The following ASMT variants were observed in gnomAD, a reference collection of about 807,000 sequenced individuals.
ASMT encodes acetylserotonin O-methyltransferase.
In ASMT, 53 loss-of-function variants were observed where a neutral mutation model predicts 41.3. That is an observed-to-expected ratio of 1.28 (90% CI 1.03 to 1.61). The LOEUF (loss-of-function observed/expected upper bound fraction) is 1.61, where lower values mean the gene tolerates loss of function less well. Ranked by LOEUF, ASMT falls within the 40% of genes most tolerant of loss-of-function variation. The probability of loss-of-function intolerance (pLI) is 0.00; values close to 1 mark genes in which losing one functional copy is unlikely to be tolerated. For synonymous variants in ASMT, 231 were observed against 184.8 expected (o/e 1.25, Z -2.03); for missense variants, 531 against 441.3 (o/e 1.20, Z -1.82).
intron 7 of ASMT, 59 bp downstream of exon 7, chrX:1,633,349 G>A (rs1934848139): frequency 4.4e-6 from 7 of 1,607,294 alleles, no homozygotes; most frequent in Non-Finnish European, 6.0e-6. Context: ...AGGGGGACTG[G>A]ATGTTTCTGG....
chrX:1,637,050 G>GTT (rs1935009313), intron 8 of ASMT, among the ~76,000 whole-genome samples: 1 of 91,616 alleles, frequency 1.1e-5, no homozygotes, highest in Non-Finnish European at 2.3e-5. Context: ...CATCCTGATG[G>GTT]CACATGAGGA....
At position 1,628,702 on chromosome X, in the gene ASMT, C is replaced by T. The variant is rs1408585700; in HGVS notation, c.443+931C>T. On this transcript the variant is annotated intron_variant, in intron 4 of 8. Coordinates refer to ENST00000381241, the MANE Select transcript of ASMT (RefSeq NM_001171038.2). ...TCTCTTCTCTTCTCTCCTCTCTTTT[C>T]CTCTCCATCTTCCCCCTCCTCTCTC... Among the ~76,000 whole-genome samples, 9 of 150,810 alleles carry T rather than the reference C, an allele frequency of 6.0e-5. 1 individual carries two copies. The South Asian group carries it at 1.9e-3, about 32-fold the overall frequency.
At chrX:1,620,150 A>T (rs1934286787) in intron 1 of ASMT, among the ~76,000 whole-genome samples, 1 of 150,914 alleles carries the variant, frequency 6.6e-6, no homozygotes, top group African/African-American at 2.4e-5. Flanking sequence ...ACATTAAAGA[A>T]CAAGAATTAA....
In ASMT at chrX:1,624,344, A is replaced by T; in HGVS notation, c.320A>T (p.Lys107Met). ...CCGACGTCACAATGCAGCATGCTGA[A>T]GTACATGGGCAGGACCAGCTACCGG... ...VSPTSQCSML[K>M]YMGRTSYRCW... The change falls in exon 3 of 9, where the codon AAG becomes ATG. Residue 107 changes from lysine to methionine, a missense_variant. Transcript: ENST00000381241. 6.2e-7 allele frequency: 1 copy of T among 1,613,904 alleles called. No homozygotes were observed. The highest frequency in any genetic ancestry group is 8.5e-7 in the Non-Finnish European group (1 of 1,179,856).
At chrX:1,617,287 T>C (rs1277560843) in intron 1 of ASMT, among the ~76,000 whole-genome samples, 1 of 151,372 alleles carries the variant, frequency 6.6e-6, no homozygotes, top group African/African-American at 2.4e-5. Context: ...CTGGCCAACA[T>C]GGTGAAACCC....
At chrX:1,642,482 G>T (rs1432321959) in intron 8 of ASMT, among the ~76,000 whole-genome samples, 1 of 147,780 alleles carries the variant, frequency 6.8e-6, no homozygotes, top group Admixed American at 6.8e-5. Flanking sequence ...GATCCTGATG[G>T]CCCATGAGGA....
chrX:1,633,220 C>G lies in ASMT; in HGVS notation c.717C>G (p.Ile239Met), dbSNP rs201316181. 40 of 1,613,814 alleles carry G rather than the reference C, an allele frequency of 2.5e-5. No individual in the cohort carries two copies. The East Asian group carries it at 6.2e-4, about 25-fold the overall frequency. Residue 239 changes from isoleucine (I) to methionine (M), a missense_variant, in exon 7 of 9, where the codon ATC becomes ATG. Transcript: ENST00000381241. ...YPGCKITVFD[I>M]PEVVWTAKQH... Reference sequence around the variant, plus strand: ...GATGTAAGATCACCGTTTTTGACATCCCAGAAGTGGTGTGGACGGCAAAGC... The same window carrying G: ...GATGTAAGATCACCGTTTTTGACATGCCAGAAGTGGTGTGGACGGCAAAGC...
At chrX:1,622,030 C>T (rs1217857327) in intron 1 of ASMT, among the ~76,000 whole-genome samples, 1 of 141,066 alleles carries the variant, frequency 7.1e-6, no homozygotes, top group Non-Finnish European at 1.5e-5. Flanking sequence ...TCACTCTGTC[C>T]AGCCCAGGCT....
At chrX:1,629,440 A>G (rs1429837810) in intron 4 of ASMT, among the ~76,000 whole-genome samples, 2 of 152,036 alleles carry the variant, frequency 1.3e-5, no homozygotes, top group African/African-American at 4.8e-5. Context: ...CCTTTTCTCT[A>G]GCCTCTTCCC....
At chrX:1,615,815 A>G (rs1442410858) in intron 1 of ASMT, among the ~76,000 whole-genome samples, 1 of 151,026 alleles carries the variant, frequency 6.6e-6, no homozygotes, top group Non-Finnish European at 1.5e-5. Flanking sequence ...AAAAAACCAA[A>G]CAAACAACAA....
chrX:1,631,116 G>A (rs1432388299), intron 5 of ASMT, among the ~76,000 whole-genome samples: 7 of 150,614 alleles, frequency 4.6e-5, no homozygotes, highest in South Asian at 2.1e-4. Flanking sequence ...GGGTTTCTCC[G>A]TGTTAGCCAG....
In ASMT at chrX:1,636,081, G is replaced by C. The variant is rs766235935; in HGVS notation, c.788-357G>C. Among the ~76,000 whole-genome samples, 4 of 149,756 alleles carry C rather than the reference G, an allele frequency of 2.7e-5. No homozygotes were observed. The Admixed American group carries it at 2.7e-4, about 10-fold the overall frequency. On this transcript the variant is annotated intron_variant, in intron 7 of 8. Coordinates refer to ENST00000381241, the MANE Select transcript of ASMT (RefSeq NM_001171038.2). The stretch of plus-strand genomic sequence containing the variant: ...TGCCATTCTCCTGCCTCAGCCTCCC[G>C]AGTAGCTGGGACCACAGGCACCCGC...
chrX:1,623,900 C>T (rs1476540340), intron 2 of ASMT, among the ~76,000 whole-genome samples: 1 of 152,050 alleles, frequency 6.6e-6, no homozygotes, highest in African/African-American at 2.4e-5. Context: ...CCACCCGCCT[C>T]GGCCTCCCTA....
intron 1 of ASMT, among the ~76,000 whole-genome samples, chrX:1,615,493 T>A (rs5948839): frequency 0.65 from 98,202 of 151,326 alleles, 31,524 homozygotes; most frequent in East Asian, 0.68. Flanking sequence ...GAGACATGAG[T>A]CATCAATCAA....
At chrX:1,627,957 A>C (rs7063283) in intron 4 of ASMT, 186 bp downstream of exon 4, 18 of 663,838 alleles carry the variant, frequency 2.7e-5, no homozygotes, top group South Asian at 2.3e-4. Flanking sequence ...AAATTGATCA[A>C]ATTCCTGAGG....
At chrX:1,640,493 C>T (rs376204411) in intron 8 of ASMT, among the ~76,000 whole-genome samples, 26 of 53,056 alleles carry the variant, frequency 4.9e-4, no homozygotes, top group Middle Eastern at 0.017. Context: ...GTGAGGTCCA[C>T]CCATCCTGAT....
At chrX:1,633,734 G>T (rs1227191522) in intron 7 of ASMT, among the ~76,000 whole-genome samples, 2 of 151,382 alleles carry the variant, frequency 1.3e-5, no homozygotes, top group Non-Finnish European at 2.9e-5. Flanking sequence ...CGCCTCCCGG[G>T]TTCACACCAT....
intron 8 of ASMT, among the ~76,000 whole-genome samples, chrX:1,641,601 C>CTG (rs1427499954): frequency 3.4e-5 from 5 of 147,918 alleles, no homozygotes; most frequent in Admixed American, 7.0e-5. Flanking sequence ...GGCACAGCCT[C>CTG]TGTGTGTGTG....
chrX:1,622,780 A>T (rs1934382362), intron 1 of ASMT, among the ~76,000 whole-genome samples: 2 of 151,470 alleles, frequency 1.3e-5, no homozygotes, highest in Admixed American at 1.3e-4. Context: ...GGCATGGTGG[A>T]ACAGGCCTGT....
Sources: gnomAD v4.1 joint callset for allele counts (sites outside exome capture counted in the v4.1 genomes callset) on GRCh38, gnomAD v4.1.1 for gene constraint, MANE v1.5 for transcripts, NCBI Gene and HGNC (gene_info 2026-07-23, HGNC 2026-07-21) for gene names.